The following BMERB1 variants were observed in gnomAD, a reference collection of about 807,000 sequenced individuals.
BMERB1 encodes the protein bMERB domain-containing protein 1.
Under a neutral mutation model 23.6 loss-of-function variants are expected in BMERB1, and 12 were observed. The observed-to-expected ratio is 0.51, with a 90% CI of 0.33 to 0.82. The LOEUF is 0.82. BMERB1 is among the 40% of genes least tolerant of loss of function. The pLI, the probability that BMERB1 is intolerant of heterozygous loss-of-function variation, is 0.03. For synonymous variants in BMERB1, 122 were observed against 96.6 expected, an observed-to-expected ratio of 1.26 and a Z score of -1.54; for missense variants, 247 against 255.4, an observed-to-expected ratio of 0.97 and a Z score of 0.22.
At position 15,584,953 on chromosome 16, in the gene BMERB1, A is replaced by G. The variant is rs141018841; in HGVS notation, c.502+1715A>G. 2.8e-3 allele frequency among the ~76,000 whole-genome samples: 425 copies of G among 152,344 alleles called. 1 individual carries two copies. Among genetic ancestry groups the G allele is most frequent in the African/African-American group, 9.7e-3 (404 of 41,576 alleles). On this transcript the variant is annotated intron_variant, in intron 5 of 5. Coordinates refer to ENST00000300006, the MANE Select transcript of BMERB1 (RefSeq NM_033201.3). ...GTACTGGGATTGGCCAGGAATGTAT[A>G]ACATGCCCACTCCTGCAGCCACAGG...
chr16:15,455,489 C>G (rs750627671), intron 1 of BMERB1, among the ~76,000 whole-genome samples: 3 of 151,860 alleles, frequency 2.0e-5, no homozygotes, highest in Non-Finnish European at 4.4e-5. Context: ...GAGATGGAGT[C>G]TCGCTCTGTT....
chr16:15,507,732 C>G (rs2051609472), intron 1 of BMERB1, among the ~76,000 whole-genome samples: 2 of 152,114 alleles, frequency 1.3e-5, no homozygotes, highest in African/African-American at 4.8e-5. Flanking sequence ...CACACAAGTT[C>G]AGACTGGAAA....
intron 1 of BMERB1, among the ~76,000 whole-genome samples, chr16:15,473,697 G>A (rs553123991): frequency 2.0e-5 from 3 of 152,178 alleles, no homozygotes; most frequent in South Asian, 2.1e-4. Context: ...ATCTATTTTT[G>A]CCAGATATAG....
In BMERB1 at chr16:15,436,478, C is replaced by T. The variant is rs148103826; in HGVS notation, c.106+1719C>T. Among the ~76,000 whole-genome samples the T allele has an allele frequency of 2.5e-4, 38 of 152,108 alleles. 1 individual carries two copies. In the East Asian group the frequency reaches 6.9e-3, roughly 28 times the overall value. ...TTCACCATGTTGGGCAGGCTGGTCC[C>T]GAACTCCTGACCTCAGGTGATCGGC... On this transcript the variant is annotated intron_variant, in intron 1 of 5. Transcript: ENST00000300006.
intron 2 of BMERB1, among the ~76,000 whole-genome samples, chr16:15,559,778 T>A (rs903130090): frequency 3.3e-5 from 5 of 152,284 alleles, no homozygotes; most frequent in African/African-American, 7.2e-5. Flanking sequence ...CCATGAAGCT[T>A]TTGGTTTTGC....
At chr16:15,454,852 G>GA (rs906949363) in intron 1 of BMERB1, among the ~76,000 whole-genome samples, 9 of 152,092 alleles carry the variant, frequency 5.9e-5, no homozygotes, top group Non-Finnish European at 1.0e-4. Flanking sequence ...GATTGAGCAG[G>GA]AAAAATGGAG....
intron 1 of BMERB1, among the ~76,000 whole-genome samples, chr16:15,472,460 T>C (rs1439355768): frequency 1.3e-5 from 2 of 152,236 alleles, no homozygotes; most frequent in African/African-American, 4.8e-5. Flanking sequence ...ACAGGATTGC[T>C]ATGTCTTCTT....
chr16:15,583,690 C>CA, intron 5 of BMERB1, among the ~76,000 whole-genome samples: 1 of 151,916 alleles, frequency 6.6e-6, no homozygotes, highest in East Asian at 1.9e-4. Context: ...CATGGGATGA[C>CA]AGCAGGCAGG....
chr16:15,489,715 G>A (rs576254102), intron 1 of BMERB1, among the ~76,000 whole-genome samples: 10 of 152,184 alleles, frequency 6.6e-5, no homozygotes, highest in Admixed American at 2.6e-4. Flanking sequence ...TTCCAGGCTC[G>A]AGGGGACTGT....
intron 3 of BMERB1, among the ~76,000 whole-genome samples, chr16:15,573,627 T>C (rs1396506406): frequency 1.3e-5 from 2 of 152,114 alleles, no homozygotes; most frequent in African/African-American, 4.8e-5. Flanking sequence ...TTGATCTTGG[T>C]TTTTACAATA....
intron 1 of BMERB1, among the ~76,000 whole-genome samples, chr16:15,513,526 A>G (rs2051701094): frequency 6.6e-6 from 1 of 152,246 alleles, no homozygotes; most frequent in South Asian, 2.1e-4. Flanking sequence ...TGCATATAAT[A>G]GTATAAATAT....
chr16:15,519,378 C>T (rs1446225361), intron 2 of BMERB1, among the ~76,000 whole-genome samples: 3 of 152,224 alleles, frequency 2.0e-5, no homozygotes, highest in Admixed American at 6.5e-5. Context: ...CAATGCTTCT[C>T]GCAGCATTAA....
intron 2 of BMERB1, among the ~76,000 whole-genome samples, chr16:15,529,439 G>A (rs765600200): frequency 4.6e-5 from 7 of 152,126 alleles, no homozygotes; most frequent in African/African-American, 7.2e-5. Flanking sequence ...GGCATTTCTG[G>A]AGGGACACCT....
rs1255213842 is a variant in BMERB1 at position 15,499,577 on chromosome 16, G to T, written c.107-15728G>T. On this transcript the variant is annotated intron_variant, in intron 1 of 5. Transcript: ENST00000300006. Reference sequence around the variant, plus strand: ...TCAGCCAGTTCTGCATAATCTTGTGGTTCACGAGAGGGGAAGGACCACAGC... The same window carrying T: ...TCAGCCAGTTCTGCATAATCTTGTGTTTCACGAGAGGGGAAGGACCACAGC... Among the ~76,000 whole-genome samples the T allele has an allele frequency of 1.3e-5, 2 of 152,106 alleles. 1 individual carries two copies. The highest frequency in any genetic ancestry group is 1.3e-4 in the Admixed American group (2 of 15,266).
In BMERB1 at chr16:15,542,802, T is replaced by G. The variant is rs1050091232; in HGVS notation, c.231-25181T>G. 7.2e-5 allele frequency among the ~76,000 whole-genome samples: 11 copies of G among 152,102 alleles called. 1 individual carries two copies. Among genetic ancestry groups the G allele is most frequent in the African/African-American group, 2.7e-4 (11 of 41,422 alleles). On this transcript the variant is annotated intron_variant, in intron 2 of 5. Transcript: ENST00000300006. ...GTGACAGGGGTGTGGCTCGCTTACT[T>G]GGCTGCCACTGCATCAAACCCCTTG...
intron 2 of BMERB1, among the ~76,000 whole-genome samples, chr16:15,535,371 G>C (rs928298114): frequency 1.3e-5 from 2 of 151,742 alleles, no homozygotes; most frequent in African/African-American, 4.8e-5. Context: ...AAGAGGGCCA[G>C]GTGCGGTGGC....
chr16:15,519,477 G>C (rs1327834091), intron 2 of BMERB1, among the ~76,000 whole-genome samples: 1 of 152,042 alleles, frequency 6.6e-6, no homozygotes, highest in Non-Finnish European at 1.5e-5. Context: ...TGCAACCTCC[G>C]TCTCCTGGGT....
chr16:15,490,176 A>G lies in BMERB1; in HGVS notation c.107-25129A>G, dbSNP rs9924195. Among the ~76,000 whole-genome samples, 1,180 of 151,766 alleles carry G rather than the reference A, an allele frequency of 7.8e-3. 17 individuals carry two copies. The highest frequency in any genetic ancestry group is 0.026 in the African/African-American group (1,094 of 41,374). On this transcript the variant is annotated intron_variant, in intron 1 of 5. Coordinates refer to ENST00000300006, the MANE Select transcript of BMERB1 (RefSeq NM_033201.3). ...ACCTGCACCCAGCCCTCCAGATCCA[A>G]TATCTTTTTCCTCCATCCTTTGCCA...
chr16:15,541,086 G>A (rs1274117346), intron 2 of BMERB1, among the ~76,000 whole-genome samples: 1 of 151,926 alleles, frequency 6.6e-6, no homozygotes, highest in Non-Finnish European at 1.5e-5. Flanking sequence ...TACAAACTTG[G>A]GGGTTCCCAC....
Sources: gnomAD v4.1 joint callset for allele counts (sites outside exome capture counted in the v4.1 genomes callset) on GRCh38, gnomAD v4.1.1 for gene constraint, MANE v1.5 for transcripts, NCBI Gene and HGNC (gene_info 2026-07-23, HGNC 2026-07-21) for gene names.